IL15: variants seen among roughly 807,000 people sequenced by gnomAD.
The protein encoded by IL15 is interleukin-15.
A neutral mutation model predicts 19.6 loss-of-function variants in IL15; 11 were observed. The observed-to-expected ratio is 0.56, with a 90% confidence interval of 0.35 to 0.93. IL15 has a LOEUF of 0.93. Ranked by LOEUF, IL15 falls within the 40% of genes least tolerant of loss-of-function variation. The pLI, the probability that IL15 is intolerant of heterozygous loss-of-function variation, is 0.01. For missense variants in IL15, 197 were observed against 186.5 expected (o/e 1.06, Z -0.33); for synonymous variants, 58 against 59.6 (o/e 0.97, Z 0.12).
intron 2 of IL15, chr4:141,689,136 C>G (rs887280495): frequency 6.5e-6 from 1 of 154,942 alleles, no homozygotes; most frequent in Admixed American, 6.5e-5. Flanking sequence ...CAGACCTTCG[C>G]GGTGAGTGTT....
intron 2 of IL15, among the ~76,000 whole-genome samples, chr4:141,695,383 T>C (rs1014848816): frequency 6.7e-6 from 1 of 149,852 alleles, no homozygotes; most frequent in African/African-American, 2.5e-5. Context: ...TCCTACAAGT[T>C]CACATGTTCT....
Position 141,727,966 on chromosome 4 carries a change from T to C in IL15, c.222T>C (p.Tyr74=). The C allele has an allele frequency of 1.5e-6, 2 of 1,371,622 alleles. No homozygotes were observed. The highest frequency in any genetic ancestry group is 2.0e-6 in the Non-Finnish European group (2 of 978,050). 85.0% of individuals were successfully genotyped at this position (1,371,622 alleles called of 1,614,324 possible). A position where few individuals can be genotyped will look rare whatever the true frequency, so the allele number is the denominator to read the frequency against. The change falls in exon 6 of 8, where the codon TAT becomes TAC. Residue 74 remains tyrosine (Y), a synonymous_variant. Transcript: ENST00000320650. ...IQSMHIDATL[Y]TESDVHPSCK... The stretch of plus-strand genomic sequence containing the variant: ...CTATGCATATTGATGCTACTTTATA[T>C]ACGGAAAGTGATGTTCACGTGAGTA...
intron 5 of IL15, among the ~76,000 whole-genome samples, chr4:141,722,731 T>C (rs751961904): frequency 2.6e-5 from 4 of 152,096 alleles, no homozygotes; most frequent in Non-Finnish European, 5.9e-5. Context: ...TTCTCTGACA[T>C]AGATTTGAAA....
At chr4:141,649,782 T>C (rs1364838779) in intron 1 of IL15, among the ~76,000 whole-genome samples, 1 of 152,090 alleles carries the variant, frequency 6.6e-6, no homozygotes, top group Non-Finnish European at 1.5e-5. Flanking sequence ...ATTGTCTGGA[T>C]GGCTCAACAT....
At chr4:141,678,601 G>T in intron 2 of IL15, among the ~76,000 whole-genome samples, 1 of 123,994 alleles carries the variant, frequency 8.1e-6, no homozygotes. Context: ...GTGTGATTTC[G>T]TTGATTTTTT....
chr4:141,724,095 C>A (rs1730181379), intron 5 of IL15, among the ~76,000 whole-genome samples: 1 of 152,020 alleles, frequency 6.6e-6, no homozygotes, highest in Non-Finnish European at 1.5e-5. Context: ...AAAATTTTTT[C>A]AGAACTTAAA....
intron 1 of IL15, among the ~76,000 whole-genome samples, chr4:141,649,722 C>G (rs1190310508): frequency 6.6e-6 from 1 of 152,052 alleles, no homozygotes; most frequent in African/African-American, 2.4e-5. Flanking sequence ...GCAACACAAC[C>G]TTCCCCAGTA....
chr4:141,681,251 C>CT (rs1313789067), intron 2 of IL15, among the ~76,000 whole-genome samples: 5 of 150,704 alleles, frequency 3.3e-5, no homozygotes, highest in East Asian at 1.9e-4. Context: ...CTTCCTTCCT[C>CT]TTTTTTTTCT....
intron 1 of IL15, among the ~76,000 whole-genome samples, chr4:141,649,295 A>G (rs1349134643): frequency 6.6e-6 from 1 of 152,038 alleles, no homozygotes; most frequent in Non-Finnish European, 1.5e-5. Context: ...GTTAACATTT[A>G]TTTTCACCCA....
chr4:141,707,013 T>G (rs1185260303), intron 2 of IL15, among the ~76,000 whole-genome samples: 3 of 152,168 alleles, frequency 2.0e-5, no homozygotes, highest in Non-Finnish European at 2.9e-5. Context: ...TTAAAAAAAT[T>G]TCTTCTTCCT....
chr4:141,638,598 A>G (rs2152148207), intron 1 of IL15, among the ~76,000 whole-genome samples: 1 of 152,362 alleles, frequency 6.6e-6, no homozygotes, highest in African/African-American at 2.4e-5. Context: ...CATGAAATTA[A>G]TGTAGCCAAT....
intron 2 of IL15, among the ~76,000 whole-genome samples, chr4:141,671,913 T>C (rs1019287831): frequency 1.3e-5 from 2 of 152,196 alleles, no homozygotes; most frequent in African/African-American, 4.8e-5. Flanking sequence ...AAGAGACTGT[T>C]GTGGCCATCT....
Position 141,721,910 on chromosome 4 carries a change from G to C in IL15, c.111-14G>C. On this transcript the variant is annotated splice_polypyrimidine_tract_variant and intron_variant, in intron 4 of 7. Transcript: ENST00000320650. ...GCTCCTTCAAAATGCTTTGCTCTATGGTTTTTCTTTCAGCTGTTTCAGTGC... is the reference window on the plus strand; with the variant it reads ...GCTCCTTCAAAATGCTTTGCTCTATCGTTTTTCTTTCAGCTGTTTCAGTGC... 6.4e-7 allele frequency: 1 copy of C among 1,573,284 alleles called. No individual in the cohort carries two copies. Among genetic ancestry groups the C allele is most frequent in the Non-Finnish European group, 8.7e-7 (1 of 1,151,638 alleles).
At chr4:141,652,165 T>A (rs770267284) in intron 1 of IL15, among the ~76,000 whole-genome samples, 1 of 152,130 alleles carries the variant, frequency 6.6e-6, no homozygotes, top group Non-Finnish European at 1.5e-5. Context: ...AATCTATTTA[T>A]AATAATAGTT....
intron 2 of IL15, among the ~76,000 whole-genome samples, chr4:141,685,039 C>T (rs189070893): frequency 5.9e-5 from 9 of 151,966 alleles, no homozygotes; most frequent in Admixed American, 4.6e-4. Flanking sequence ...TTTGTATTTC[C>T]TCTTGGCTAC....
chr4:141,704,708 A>C (rs1473715922), intron 2 of IL15: 1 of 192,262 alleles, frequency 5.2e-6, no homozygotes, highest in African/African-American at 2.4e-5. Flanking sequence ...TATTAGTGAT[A>C]ATAATAAATA....
chr4:141,664,961 C>A, intron 2 of IL15, among the ~76,000 whole-genome samples: 1 of 150,688 alleles, frequency 6.6e-6, no homozygotes, highest in Non-Finnish European at 1.5e-5. Flanking sequence ...AAGTTGAGTT[C>A]TTTAAAGTGT....
intron 2 of IL15, among the ~76,000 whole-genome samples, chr4:141,670,632 A>G (rs980776627): frequency 2.6e-4 from 40 of 152,214 alleles, no homozygotes; most frequent in African/African-American, 9.6e-4. Context: ...GAAATATTCA[A>G]TATTTTTACT....
chr4:141,641,697 G>A (rs1281984306), intron 1 of IL15, among the ~76,000 whole-genome samples: 4 of 134,918 alleles, frequency 3.0e-5, no homozygotes, highest in African/African-American at 8.1e-5. Flanking sequence ...GTCATGGGGT[G>A]GGGGGAGGGG....
Sources: gnomAD v4.1 joint callset for allele counts (sites outside exome capture counted in the v4.1 genomes callset) on GRCh38, gnomAD v4.1.1 for gene constraint, MANE v1.5 for transcripts, NCBI Gene and HGNC (gene_info 2026-07-23, HGNC 2026-07-21) for gene names.